Variants in PHF8 observed in about 807,000 individuals in gnomAD.
PHF8 encodes the protein PHD finger protein 8, also known as histone lysine demethylase PHF8.
PHF8 carries 9 observed loss-of-function variants against 74.4 expected under a neutral mutation model. The ratio of observed to expected loss-of-function variants is 0.12; its 90% confidence interval spans 0.07 to 0.21. The LOEUF (loss-of-function observed/expected upper bound fraction) is 0.21. Ranked by LOEUF, PHF8 falls within the 10% of genes least tolerant of loss-of-function variation. The pLI, the probability that PHF8 is intolerant of heterozygous loss-of-function variation, is 1.00. For missense variants in PHF8, 478 were observed against 816.6 expected (o/e 0.59, Z 5.05); for synonymous variants, 311 against 316.6 (o/e 0.98, Z 0.19).
At position 54,017,801 on chromosome X, in the gene PHF8, T is replaced by C; in HGVS notation, c.314A>G (p.Lys105Arg). The C allele has an allele frequency of 8.3e-7, 1 of 1,211,163 alleles. No homozygotes were observed. The highest frequency in any genetic ancestry group is 1.1e-6 in the Non-Finnish European group (1 of 894,923). The change falls in exon 5 of 22, where the codon AAG becomes AGG. Residue 105 changes from lysine (K) to arginine (R), a missense_variant. Physicochemically the swap from Lys to Arg is conservative, Grantham distance 26 (BLOSUM62 2). This residue lies in a region of PHF8 where 70 missense variants were observed against 234.1 expected (regional missense o/e 0.30). Coordinates refer to ENST00000338154, the MANE Select transcript of PHF8 (RefSeq NM_015107.3). ...CACGGTCAGTTGATTTCCAGTGGGCTTCAGAATCACTTCATCTGAGCTGTG... is the reference window on the plus strand; with the variant it reads ...CACGGTCAGTTGATTTCCAGTGGGCCTCAGAATCACTTCATCTGAGCTGTG... ...TFDSSDEVIL[K>R]PTGNQLTVEF...
At chrX:54,006,066 A>G (rs1557105239) in intron 8 of PHF8, among the ~76,000 whole-genome samples, 1 of 112,476 alleles carries the variant, frequency 8.9e-6, no homozygotes, top group Non-Finnish European at 1.9e-5. Flanking sequence ...CTCTTGGTGT[A>G]GTGGGTAGCA....
Position 54,043,841 on chromosome X carries a change from T to A in PHF8, c.-172A>T. ...CAAGAACGTCTTCAGTCCAGAATCC[T>A]ACAGGGACCTCCTCATGCTTTGGGC... On this transcript the variant is annotated 5_prime_UTR_variant, in exon 1 of 22. The change abolishes the stop of an existing upstream ORF in the 5' untranslated region. Transcript: ENST00000338154. 4.0e-6 allele frequency: 3 copies of A among 753,958 alleles called. No individual in the cohort carries two copies. Among genetic ancestry groups the A allele is most frequent in the Non-Finnish European group, 4.7e-6 (3 of 638,625 alleles). The allele number at this position is 753,958 out of a possible 1,213,427, so 62.1% of individuals were successfully genotyped here. A position where few individuals can be genotyped will look rare whatever the true frequency, so the allele number is the denominator to read the frequency against.
intron 14 of PHF8, 121 bp downstream of exon 14, chrX:53,992,615 G>A (rs940195563): frequency 7.9e-6 from 4 of 508,584 alleles, no homozygotes; most frequent in Non-Finnish European, 1.4e-5. Flanking sequence ...TCTAGGTATT[G>A]CCCTAAGTAC....
chrX:53,987,730 C>A (rs782099202), intron 15 of PHF8, 36 bp downstream of exon 15: 18 of 1,108,391 alleles, frequency 1.6e-5, no homozygotes, highest in African/African-American at 7.3e-5. Context: ...AACAAAAAAA[C>A]GGGCAGGGGA....
chrX:54,042,409 A>G (rs1557116160), intron 2 of PHF8, among the ~76,000 whole-genome samples: 1 of 110,157 alleles, frequency 9.1e-6, no homozygotes, highest in African/African-American at 3.3e-5. Flanking sequence ...AAAACACTCA[A>G]AAGAAAAGTG....
At chrX:54,047,798 A>G (rs993717153), upstream of PHF8, among the ~76,000 whole-genome samples, 1 of 111,651 alleles carries the variant, frequency 9.0e-6, no homozygotes, top group African/African-American at 3.3e-5. Flanking sequence ...AAAGCAGTCT[A>G]TTTTAGATAA....
Position 53,938,940 on chromosome X carries a change from C to T in PHF8, c.*218G>A, listed in dbSNP as rs1460203720. The T allele has an allele frequency of 2.0e-6, 2 of 982,682 alleles. No homozygotes were observed. Among genetic ancestry groups the T allele is most frequent in the Admixed American group, 9.7e-5 (2 of 20,692 alleles). 81.0% of individuals were successfully genotyped at this position (982,682 alleles called of 1,213,427 possible). On this transcript the variant is annotated 3_prime_UTR_variant, in exon 22 of 22. Coordinates refer to ENST00000338154, the MANE Select transcript of PHF8 (RefSeq NM_015107.3). Reference sequence around the variant, plus strand: ...GCTGGAAACCTCTCCCATTTACCTGCTCCTCAGTGGAGAAGGCAGGCAGGA... The same window carrying T: ...GCTGGAAACCTCTCCCATTTACCTGTTCCTCAGTGGAGAAGGCAGGCAGGA...
intron 20 of PHF8, chrX:53,942,875 T>C (rs1028487493): frequency 2.7e-6 from 2 of 750,834 alleles, no homozygotes; most frequent in Non-Finnish European, 1.6e-6. Flanking sequence ...TATGGCTGTA[T>C]AAAAGGTGTG....
At chrX:53,966,290 T>C (rs1441002495) in intron 18 of PHF8, among the ~76,000 whole-genome samples, 1 of 111,757 alleles carries the variant, frequency 8.9e-6, no homozygotes, top group African/African-American at 3.2e-5. Flanking sequence ...GAGCTGAAGC[T>C]GGACTGTACT....
intron 19 of PHF8, among the ~76,000 whole-genome samples, chrX:53,960,041 A>AAGG (rs1221540720): frequency 2.7e-5 from 3 of 109,650 alleles, no homozygotes; most frequent in African/African-American, 6.6e-5. Context: ...GTAGGGGCAG[A>AAGG]AGAACATTGC....
chrX:53,989,119 T>C (rs782341452), intron 14 of PHF8, among the ~76,000 whole-genome samples: 9 of 110,082 alleles, frequency 8.2e-5, no homozygotes, highest in African/African-American at 2.3e-4. Flanking sequence ...CCCACCACCA[T>C]GTCTGGCTAA....
At chrX:54,036,102 C>CAAAAAAAAAAAAAAAAAA (rs1159910510) in intron 2 of PHF8, among the ~76,000 whole-genome samples, 1 of 26,215 alleles carries the variant, frequency 3.8e-5, no homozygotes, top group African/African-American at 1.3e-4. Flanking sequence ...AACTCCATCT[C>CAAAAAAAAAAAAAAAAAA]AAAAAAAAAA....
intron 20 of PHF8, chrX:53,943,453 G>C: frequency 1.9e-6 from 2 of 1,057,539 alleles, no homozygotes; most frequent in Non-Finnish European, 2.5e-6. Flanking sequence ...TGGGCAGATA[G>C]ATTACATTAC....
chrX:53,968,357 T>C lies in PHF8; in HGVS notation c.2444-5418A>G, dbSNP rs782237010. Among the ~76,000 whole-genome samples the C allele has an allele frequency of 2.7e-5, 3 of 111,656 alleles. No individual in the cohort carries two copies. The South Asian group carries it at 1.1e-3, about 41-fold the overall frequency. ...AAATGGATAAATTCTTGGACACATATAACCTACCATGCTTGAACCATGAAG... is the reference window on the plus strand; with the variant it reads ...AAATGGATAAATTCTTGGACACATACAACCTACCATGCTTGAACCATGAAG... On this transcript the variant is annotated intron_variant, in intron 18 of 21. Transcript: ENST00000338154.
intron 5 of PHF8, 139 bp from the exon 6 acceptor site, chrX:54,016,875 T>C (rs1351334042): frequency 2.3e-5 from 12 of 516,599 alleles, no homozygotes; most frequent in Non-Finnish European, 3.6e-5. Context: ...GTGTGTTTGT[T>C]TGGGGGGCAG....
intron 2 of PHF8, among the ~76,000 whole-genome samples, chrX:54,041,195 C>T (rs1557115756): frequency 9.2e-6 from 1 of 108,958 alleles, no homozygotes; most frequent in African/African-American, 3.3e-5. Context: ...GCCTGGCCAA[C>T]ATGGTGAAAC....
chrX:53,997,220 A>G lies in PHF8; in HGVS notation c.1234-1438T>C, dbSNP rs188210097. Among the ~76,000 whole-genome samples, 400 of 111,728 alleles carry G rather than the reference A, an allele frequency of 3.6e-3. 3 individuals are homozygous for G. Among genetic ancestry groups the G allele is most frequent in the African/African-American group, 0.012 (381 of 30,773 alleles). Reference sequence around the variant, plus strand: ...GCTGCTGGCCCACAGCTAGCTCAACAGCAACCCAGAGCGATCCCTGTTAGT... The same window carrying G: ...GCTGCTGGCCCACAGCTAGCTCAACGGCAACCCAGAGCGATCCCTGTTAGT... On this transcript the variant is annotated intron_variant, in intron 11 of 21. Transcript: ENST00000338154.
rs782525369 is a variant in PHF8 at position 53,998,750 on chromosome X, AT to A, written c.1233+1119del. Among the ~76,000 whole-genome samples the A allele has an allele frequency of 6.2e-3, 685 of 110,267 alleles. 2 individuals carry two copies. Among genetic ancestry groups the A allele is most frequent in the Admixed American group, 9.7e-3 (100 of 10,311 alleles). The stretch of plus-strand genomic sequence containing the variant: ...AAATCAGTACATACAGAGCTTTCTT[AT>A]TTTTTTTTATAGTTGATTAATGTTC... On this transcript the variant is annotated intron_variant, in intron 11 of 21. Coordinates refer to ENST00000338154, the MANE Select transcript of PHF8 (RefSeq NM_015107.3).
chrX:54,023,650 T>G (rs2066214217), intron 2 of PHF8, among the ~76,000 whole-genome samples: 1 of 107,974 alleles, frequency 9.3e-6, no homozygotes, highest in Admixed American at 1.0e-4. Context: ...GAGGATCACT[T>G]GAGCCCAGGA....
Sources: gnomAD v4.1 joint callset for allele counts (sites outside exome capture counted in the v4.1 genomes callset) on GRCh38, gnomAD v4.1.1 for gene constraint, gnomAD v4.1.1 regional missense constraint, MANE v1.5 for transcripts, NCBI Gene and HGNC (gene_info 2026-07-23, HGNC 2026-07-21) for gene names.